The following SPECC1 variants were observed in gnomAD, a reference collection of about 807,000 sequenced individuals.
SPECC1 encodes cytospin-B.
SPECC1 carries 62 observed loss-of-function variants against 104.1 expected under a neutral mutation model. The ratio of observed to expected loss-of-function variants is 0.60; its 90% CI spans 0.49 to 0.74. The LOEUF (loss-of-function observed/expected upper bound fraction) is 0.74. SPECC1 is among the 30% of genes least tolerant of loss of function. The pLI is 0.00. For synonymous variants in SPECC1, 513 were observed against 501.6 expected (o/e 1.02, Z -0.30); for missense variants, 1,306 against 1,310.5 (o/e 1.00, Z 0.05).
intron 3 of SPECC1, among the ~76,000 whole-genome samples, chr17:20,132,605 T>A (rs984751440): frequency 6.6e-6 from 1 of 151,702 alleles, no homozygotes; most frequent in African/African-American, 2.4e-5. Flanking sequence ...CAAATTCAAA[T>A]TTCCCTAATT....
chr17:20,197,233 T>C (rs1408791667), intron 3 of SPECC1, among the ~76,000 whole-genome samples: 1 of 152,216 alleles, frequency 6.6e-6, no homozygotes, highest in Non-Finnish European at 1.5e-5. Context: ...ATATCTGCTT[T>C]TAATTAAACT....
chr17:20,068,681 A>G (rs1166093377), intron 1 of SPECC1, among the ~76,000 whole-genome samples: 1 of 152,226 alleles, frequency 6.6e-6, no homozygotes, highest in East Asian at 1.9e-4. Context: ...GAGCCATCCC[A>G]GTCGATGTGG....
intron 1 of SPECC1, among the ~76,000 whole-genome samples, chr17:20,071,098 C>G (rs1171038894): frequency 6.6e-6 from 1 of 152,082 alleles, no homozygotes; most frequent in Non-Finnish European, 1.5e-5. Context: ...CAAGCACAAT[C>G]ATAGTGCGCT....
At chr17:20,269,371 A>C (rs1198433603) in intron 12 of SPECC1, among the ~76,000 whole-genome samples, 1 of 152,194 alleles carries the variant, frequency 6.6e-6, no homozygotes, top group Non-Finnish European at 1.5e-5. Context: ...TCTGGAATGT[A>C]GTATGTGCTG....
At chr17:20,135,833 T>C (rs181139244) in intron 3 of SPECC1, among the ~76,000 whole-genome samples, 34 of 152,312 alleles carry the variant, frequency 2.2e-4, no homozygotes, top group Admixed American at 2.6e-4. Flanking sequence ...GACTTGCACG[T>C]AGTCAATGCA....
chr17:20,275,476 T>A (rs147889735), intron 12 of SPECC1, among the ~76,000 whole-genome samples: 65 of 152,360 alleles, frequency 4.3e-4, no homozygotes, highest in African/African-American at 1.5e-3. Context: ...AATGACAGAA[T>A]TAATTCTTAG....
chr17:20,190,877 C>G (rs2035623606), intron 3 of SPECC1, among the ~76,000 whole-genome samples: 1 of 151,902 alleles, frequency 6.6e-6, no homozygotes. Flanking sequence ...ATTCATTCCT[C>G]CCTCCCCCCA....
chr17:20,119,311 C>A (rs1371664939), intron 3 of SPECC1, among the ~76,000 whole-genome samples: 2 of 152,226 alleles, frequency 1.3e-5, no homozygotes, highest in Non-Finnish European at 2.9e-5. Context: ...TGGCGCTCCA[C>A]AACCTCCGCC....
At position 20,236,785 on chromosome 17, in the gene SPECC1, T is replaced by TG. The variant is rs752449194; in HGVS notation, c.2351+4381dup. The TG allele has an allele frequency of 7.4e-4, 1,181 of 1,590,302 alleles. 1 individual carries two copies. The highest frequency in any genetic ancestry group is 8.8e-4 in the Admixed American group (53 of 59,922). On this transcript the variant is annotated intron_variant, in intron 7 of 14. Coordinates refer to ENST00000395527, the MANE Select transcript of SPECC1 (RefSeq NM_001243439.2). ...TGGGACAGTGTAAGCTGGAAATTCT[T>TG]GCGTTTGTGAACTAAGACTGTATTG... is the stretch of plus-strand genomic sequence containing the variant.
chr17:20,080,924 C>T (rs983300525), intron 1 of SPECC1, among the ~76,000 whole-genome samples: 17 of 152,016 alleles, frequency 1.1e-4, no homozygotes, highest in African/African-American at 3.6e-4. Flanking sequence ...TTCTTGCCGG[C>T]GTCACCCCTG....
chr17:20,212,546 T>C (rs376271035), intron 4 of SPECC1, among the ~76,000 whole-genome samples: 8 of 152,234 alleles, frequency 5.3e-5, no homozygotes, highest in South Asian at 4.1e-4. Context: ...GTGAGACTTA[T>C]ACTGTCAGGA....
chr17:20,028,489 A>G (rs2044685233), intron 1 of SPECC1, among the ~76,000 whole-genome samples: 4 of 151,902 alleles, frequency 2.6e-5, no homozygotes. Flanking sequence ...AAAAAAAAAA[A>G]GAAAAAAATA....
intron 12 of SPECC1, 80 bp downstream of exon 12, chr17:20,260,374 G>T (rs1427262766): frequency 1.7e-6 from 2 of 1,199,012 alleles, no homozygotes; most frequent in African/African-American, 1.5e-5. Flanking sequence ...TTGTGTGCCT[G>T]TGCTTGATGG....
chr17:20,116,280 G>C (rs1478404407), intron 3 of SPECC1, among the ~76,000 whole-genome samples: 1 of 151,746 alleles, frequency 6.6e-6, no homozygotes, highest in East Asian at 1.9e-4. Context: ...AGTAGAGATG[G>C]GGTTTCACCA....
At position 20,127,367 on chromosome 17, in the gene SPECC1, A is replaced by G. The variant is rs181878486; in HGVS notation, c.283+16805A>G. Among the ~76,000 whole-genome samples, 258 of 151,976 alleles carry G rather than the reference A, an allele frequency of 1.7e-3. 1 individual carries two copies. In the Middle Eastern group the frequency reaches 0.017, roughly 10 times the overall value. ...TGTGATCACCTATCTTTACAGAGGG[A>G]AGCTAGTATTGGTCCAAAAATCAGA... is the stretch of plus-strand genomic sequence containing the variant. On this transcript the variant is annotated intron_variant, in intron 3 of 14. Coordinates refer to ENST00000395527, the MANE Select transcript of SPECC1 (RefSeq NM_001243439.2).
chr17:20,035,192 G>A (rs1165825511), intron 1 of SPECC1, among the ~76,000 whole-genome samples: 1 of 152,210 alleles, frequency 6.6e-6, no homozygotes, highest in Non-Finnish European at 1.5e-5. Flanking sequence ...CTGTAGCTAT[G>A]TAAGTCTTGA....
intron 7 of SPECC1, among the ~76,000 whole-genome samples, chr17:20,244,539 C>T (rs903440222): frequency 6.6e-6 from 1 of 151,770 alleles, no homozygotes; most frequent in South Asian, 2.1e-4. Flanking sequence ...GATTGTAAGG[C>T]AGTGTGGTTT....
chr17:20,318,002 G>GGT lies in SPECC1; in HGVS notation c.*3938_*3939dup. On this transcript the variant is annotated 3_prime_UTR_variant, in exon 15 of 15. Coordinates refer to ENST00000395527, the MANE Select transcript of SPECC1 (RefSeq NM_001243439.2). ...AGGTGGAAAGTTGGCAGGAAAACAAGGTCAGCATCTTATTTTTTCTATACT... is the reference window on the plus strand; with the variant it reads ...AGGTGGAAAGTTGGCAGGAAAACAAGGTGTCAGCATCTTATTTTTTCTATACT... 4.4e-6 allele frequency: 1 copy of GGT among 229,186 alleles called. No homozygotes were observed. Among genetic ancestry groups the GGT allele is most frequent in the East Asian group, 6.3e-5 (1 of 16,000 alleles). The allele number at this position is 229,186 out of a possible 1,614,324, so 14.2% of individuals were successfully genotyped here.
intron 1 of SPECC1, chr17:20,017,839 T>C (rs1424683862): frequency 6.6e-6 from 1 of 152,238 alleles, no homozygotes; most frequent in Non-Finnish European, 1.5e-5. Flanking sequence ...ATCTAATAAT[T>C]TCTTCTATGT....
Sources: gnomAD v4.1 joint callset for allele counts (sites outside exome capture counted in the v4.1 genomes callset) on GRCh38, gnomAD v4.1.1 for gene constraint, MANE v1.5 for transcripts, NCBI Gene and HGNC (gene_info 2026-07-23, HGNC 2026-07-21) for gene names.